Variants in ARHGAP18 observed in about 807,000 individuals in gnomAD.
The protein encoded by ARHGAP18 is Rho GTPase activating protein 18, also known as rho GTPase-activating protein 18.
Under a neutral mutation model 86.2 loss-of-function variants are expected in ARHGAP18, and 67 were observed. The ratio of observed to expected loss-of-function variants is 0.78; its 90% confidence interval spans 0.64 to 0.95. ARHGAP18 has a LOEUF of 0.95. Ranked by LOEUF, ARHGAP18 falls within the 40% of genes least tolerant of loss-of-function variation. The pLI, the probability that ARHGAP18 is intolerant of heterozygous loss-of-function variation, is 0.00. For missense variants in ARHGAP18, 691 were observed against 780.4 expected, an observed-to-expected ratio of 0.89 and a Z score of 1.37; for synonymous variants, 283 against 280.4, an observed-to-expected ratio of 1.01 and a Z score of -0.09.
intron 1 of ARHGAP18, among the ~76,000 whole-genome samples, chr6:129,670,782 C>G (rs940750473): frequency 6.6e-6 from 1 of 151,314 alleles, no homozygotes; most frequent in Non-Finnish European, 1.5e-5. Flanking sequence ...CTCTGCTCCC[C>G]TATTCTCACC....
chr6:129,651,493 C>T (rs1157601014), intron 1 of ARHGAP18, among the ~76,000 whole-genome samples: 1 of 152,094 alleles, frequency 6.6e-6, no homozygotes, highest in South Asian at 2.1e-4. Flanking sequence ...ACAGATGTTG[C>T]TTTAACCAAG....
chr6:129,584,411 G>A (rs1788350929), intron 12 of ARHGAP18, among the ~76,000 whole-genome samples: 1 of 152,150 alleles, frequency 6.6e-6, no homozygotes, highest in Admixed American at 6.5e-5. Flanking sequence ...TTATCTACTA[G>A]AGGGTGCTTC....
At chr6:129,668,362 TCACACACACA>T (rs35153109) in intron 1 of ARHGAP18, among the ~76,000 whole-genome samples, 38 of 137,844 alleles carry the variant, frequency 2.8e-4, no homozygotes, top group African/African-American at 7.1e-4. Flanking sequence ...ACCCAAATAA[TCACACACACA>T]CACACACACA....
At chr6:129,689,881 G>A (rs1221474567) in intron 1 of ARHGAP18, among the ~76,000 whole-genome samples, 1 of 152,108 alleles carries the variant, frequency 6.6e-6, no homozygotes, top group African/African-American at 2.4e-5. Flanking sequence ...CACACTCCTG[G>A]CATCCAGCCT....
intron 5 of ARHGAP18, among the ~76,000 whole-genome samples, chr6:129,627,356 T>G (rs1438274969): frequency 6.6e-6 from 1 of 151,060 alleles, no homozygotes; most frequent in Non-Finnish European, 1.5e-5. Flanking sequence ...GATCCAGGTA[T>G]TGATCAGCAA....
intron 12 of ARHGAP18, among the ~76,000 whole-genome samples, chr6:129,590,409 T>C (rs1386128649): frequency 6.6e-6 from 1 of 152,162 alleles, no homozygotes; most frequent in Non-Finnish European, 1.5e-5. Context: ...AGTCCCAAGA[T>C]ACTAGCTTCT....
At chr6:129,604,993 T>G (rs1254927333) in intron 10 of ARHGAP18, among the ~76,000 whole-genome samples, 1 of 152,168 alleles carries the variant, frequency 6.6e-6, no homozygotes, top group Non-Finnish European at 1.5e-5. Flanking sequence ...ACTAGTAAAT[T>G]TGTTTTCTTA....
At chr6:129,615,031 T>C (rs1261151347) in intron 7 of ARHGAP18, among the ~76,000 whole-genome samples, 1 of 152,088 alleles carries the variant, frequency 6.6e-6, no homozygotes, top group Admixed American at 6.5e-5. Context: ...CACAATTGTG[T>C]GAGCCAATTA....
Position 129,605,883 on chromosome 6 carries a change from T to C in ARHGAP18, c.1359A>G (p.Thr453=). 1.2e-6 allele frequency: 2 copies of C among 1,613,046 alleles called. No individual in the cohort carries two copies. Among genetic ancestry groups the C allele is most frequent in the Non-Finnish European group, 1.7e-6 (2 of 1,179,158 alleles). Residue 453 remains threonine, a synonymous_variant, in exon 10 of 15, where the codon ACA becomes ACG. Transcript: ENST00000368149. The stretch of plus-strand genomic sequence containing the variant: ...GTAAATTAACCAAGCTGACCTTCAG[T>C]GTGTCCCTGTTTGCATCAGGTAGGA... ...VILLPDANRD[T]LKALLEFLQR... is the part of the protein sequence containing the mutation.
intron 1 of ARHGAP18, among the ~76,000 whole-genome samples, chr6:129,675,898 C>G (rs1774224436): frequency 6.6e-6 from 1 of 152,200 alleles, no homozygotes; most frequent in Non-Finnish European, 1.5e-5. Context: ...CCACCCTCCT[C>G]CATTCTTGTC....
At chr6:129,631,097 G>A (rs1204690100) in intron 4 of ARHGAP18, among the ~76,000 whole-genome samples, 3 of 151,844 alleles carry the variant, frequency 2.0e-5, no homozygotes, top group Admixed American at 6.6e-5. Flanking sequence ...TTTTCCCTCT[G>A]GTTTATTCTC....
At chr6:129,700,663 C>T (rs550895193) in intron 1 of ARHGAP18, among the ~76,000 whole-genome samples, 4 of 152,272 alleles carry the variant, frequency 2.6e-5, no homozygotes, top group Admixed American at 6.5e-5. Context: ...TTATCATCAT[C>T]GAAAACACGT....
At chr6:129,659,678 G>A (rs940072783) in intron 1 of ARHGAP18, among the ~76,000 whole-genome samples, 2 of 152,112 alleles carry the variant, frequency 1.3e-5, no homozygotes, top group Non-Finnish European at 2.9e-5. Context: ...CGGCATGTCG[G>A]CCAGGCTGGT....
chr6:129,599,196 T>C lies in ARHGAP18; in HGVS notation c.1713+20A>G. Reference sequence around the variant, plus strand: ...AATACTTAAGATCTGAATAAATACATATCTCCACTATTTTCTTACATCATT... The same window carrying C: ...AATACTTAAGATCTGAATAAATACACATCTCCACTATTTTCTTACATCATT... On this transcript the variant is annotated intron_variant, in intron 12 of 14. Transcript: ENST00000368149. 2 of 1,504,958 alleles carry C rather than the reference T, an allele frequency of 1.3e-6. No individual in the cohort carries two copies. The highest frequency in any genetic ancestry group is 1.8e-6 in the Non-Finnish European group (2 of 1,130,570). The allele number at this position is 1,504,958 out of a possible 1,614,324, so 93.2% of individuals were successfully genotyped here. A position where few individuals can be genotyped will look rare whatever the true frequency, so the allele number is the denominator to read the frequency against.
chr6:129,657,478 G>A (rs1238885590), intron 1 of ARHGAP18, among the ~76,000 whole-genome samples: 3 of 150,648 alleles, frequency 2.0e-5, no homozygotes, highest in Admixed American at 1.3e-4. Context: ...GACTGGACAG[G>A]AGCAATTTCT....
At chr6:129,626,788 G>A (rs892420107) in intron 5 of ARHGAP18, among the ~76,000 whole-genome samples, 1 of 152,058 alleles carries the variant, frequency 6.6e-6, no homozygotes, top group Non-Finnish European at 1.5e-5. Flanking sequence ...TGAGAATGCT[G>A]TGCATTAACT....
At chr6:129,637,052 TTTGTTGTTG>T (rs547977121) in intron 3 of ARHGAP18, among the ~76,000 whole-genome samples, 7 of 151,788 alleles carry the variant, frequency 4.6e-5, no homozygotes, top group South Asian at 2.1e-4. Context: ...CTTGTACTGT[TTTGTTGTTG>T]TTGTTGTTGT....
At chr6:129,669,007 A>G (rs1774095962) in intron 1 of ARHGAP18, among the ~76,000 whole-genome samples, 1 of 152,190 alleles carries the variant, frequency 6.6e-6, no homozygotes, top group African/African-American at 2.4e-5. Flanking sequence ...AGAGGACTAG[A>G]AATATTCACA....
intron 1 of ARHGAP18, among the ~76,000 whole-genome samples, chr6:129,656,793 T>A (rs973818630): frequency 2.6e-5 from 4 of 152,246 alleles, no homozygotes; most frequent in Non-Finnish European, 5.9e-5. Flanking sequence ...TTCAATTTTA[T>A]TTCCCTCTAA....
Sources: allele counts gnomAD v4.1 joint callset (sites outside exome capture counted in the v4.1 genomes callset), GRCh38; gene constraint gnomAD v4.1.1; transcripts MANE v1.5; gene names NCBI Gene and HGNC (gene_info 2026-07-23, HGNC 2026-07-21).